PLXDC2: variants seen among roughly 807,000 people sequenced by gnomAD.
PLXDC2 encodes plexin domain-containing protein 2.
A neutral mutation model predicts 68.9 loss-of-function variants in PLXDC2; 40 were observed. That is an observed-to-expected ratio of 0.58 (90% CI 0.45 to 0.76). PLXDC2 has a LOEUF of 0.76. Among genes scored for constraint, PLXDC2 ranks in the 30% least tolerant of loss-of-function variants. PLXDC2 has a pLI of 0.00. For synonymous variants in PLXDC2, 243 were observed against 234.2 expected (o/e 1.04, Z -0.34); for missense variants, 644 against 661.9 (o/e 0.97, Z 0.30).
At chr10:20,021,293 C>T (rs1382013403) in intron 2 of PLXDC2, among the ~76,000 whole-genome samples, 2 of 151,866 alleles carry the variant, frequency 1.3e-5, no homozygotes, top group African/African-American at 2.4e-5. Context: ...TTATGGGATA[C>T]ATGCGCAGAA....
intron 1 of PLXDC2, among the ~76,000 whole-genome samples, chr10:19,905,235 A>G (rs1442854560): frequency 2.6e-5 from 4 of 152,170 alleles, no homozygotes; most frequent in African/African-American, 9.7e-5. Context: ...TTCTTGGATG[A>G]TTTTGGCATA....
Position 20,001,961 on chromosome 10 carries a change from G to A in PLXDC2, c.299G>A (p.Gly100Glu). The A allele has an allele frequency of 6.2e-7, 1 of 1,612,544 alleles. No individual in the cohort carries two copies. Among genetic ancestry groups the A allele is most frequent in the Non-Finnish European group, 8.5e-7 (1 of 1,179,896 alleles). ...RSFTDLLLDDGQDNNTQIEED... is the reference protein window; with the variant it reads ...RSFTDLLLDDEQDNNTQIEED... ...TTCACAGACCTGCTGCTGGATGATG[G>A]GCAGGACAATAACACTCAGATCGAG... is the stretch of plus-strand genomic sequence containing the variant. Residue 100 changes from glycine (G) to glutamate (E), a missense_variant, in exon 2 of 14, where the codon GGG (glycine) becomes GAG (glutamate). Gly to Glu is a moderately conservative substitution (Grantham distance 98, BLOSUM62 -2). Around this residue, in one of 3 missense-constraint regions of PLXDC2, gnomAD observed 201 missense variants for 166.9 expected, o/e 1.20. Transcript: ENST00000377252.
chr10:20,108,503 G>A (rs1246307776), intron 4 of PLXDC2, among the ~76,000 whole-genome samples: 1 of 152,156 alleles, frequency 6.6e-6, no homozygotes, highest in Non-Finnish European at 1.5e-5. Flanking sequence ...ACAGTAGACA[G>A]TGGATACGTA....
At chr10:20,211,828 T>G in intron 10 of PLXDC2, 99 bp downstream of exon 10, 1 of 1,108,672 alleles carries the variant, frequency 9.0e-7, no homozygotes, top group Non-Finnish European at 1.3e-6. Context: ...GCCCTAAAAC[T>G]TAATGAAAGG....
At chr10:20,121,012 G>T (rs1833690120) in intron 4 of PLXDC2, among the ~76,000 whole-genome samples, 1 of 152,172 alleles carries the variant, frequency 6.6e-6, no homozygotes, top group Non-Finnish European at 1.5e-5. Flanking sequence ...ACAGTCATGG[G>T]TGTCAGTTGT....
chr10:19,925,733 G>T (rs1044885380), intron 1 of PLXDC2, among the ~76,000 whole-genome samples: 4 of 152,196 alleles, frequency 2.6e-5, no homozygotes, highest in African/African-American at 9.6e-5. Flanking sequence ...ACAGAGTGAT[G>T]AGTTGACTTT....
chr10:19,975,166 A>C (rs1033057155), intron 1 of PLXDC2, among the ~76,000 whole-genome samples: 11 of 152,298 alleles, frequency 7.2e-5, no homozygotes, highest in Admixed American at 1.3e-4. Context: ...CTTAAAACAC[A>C]GCAGAAGGCC....
chr10:19,985,619 A>G (rs1834623310), intron 1 of PLXDC2, among the ~76,000 whole-genome samples: 1 of 152,228 alleles, frequency 6.6e-6, no homozygotes, highest in Admixed American at 6.5e-5. Context: ...TTATGCTAAC[A>G]AGTAACTCAT....
At chr10:19,957,795 A>G (rs1002886693) in intron 1 of PLXDC2, among the ~76,000 whole-genome samples, 2 of 152,182 alleles carry the variant, frequency 1.3e-5, no homozygotes, top group Admixed American at 1.3e-4. Flanking sequence ...CTGTCTTCAA[A>G]GAAGTTGTAC....
At chr10:19,978,558 T>C (rs1834496990) in intron 1 of PLXDC2, among the ~76,000 whole-genome samples, 1 of 152,206 alleles carries the variant, frequency 6.6e-6, no homozygotes, top group Non-Finnish European at 1.5e-5. Flanking sequence ...AGATTTAATT[T>C]CACCCCAGTT....
At chr10:19,890,009 C>T (rs764336003) in intron 1 of PLXDC2, among the ~76,000 whole-genome samples, 6 of 152,134 alleles carry the variant, frequency 3.9e-5, no homozygotes, top group African/African-American at 9.7e-5. Context: ...GAGGCAGTCT[C>T]GCGTTTCAGG....
At chr10:20,102,674 A>G (rs1833438746) in intron 4 of PLXDC2, among the ~76,000 whole-genome samples, 1 of 152,230 alleles carries the variant, frequency 6.6e-6, no homozygotes, top group African/African-American at 2.4e-5. Context: ...GTGGTACAGA[A>G]CACTGCAGAA....
intron 1 of PLXDC2, among the ~76,000 whole-genome samples, chr10:19,894,266 C>T (rs1838016959): frequency 6.6e-6 from 1 of 151,550 alleles, no homozygotes; most frequent in African/African-American, 2.4e-5. Context: ...AAACAAAAAA[C>T]TGATGTTTTC....
intron 4 of PLXDC2, among the ~76,000 whole-genome samples, chr10:20,135,815 A>G (rs1039573172): frequency 2.6e-5 from 4 of 152,190 alleles, no homozygotes; most frequent in Non-Finnish European, 4.4e-5. Context: ...TAAGAAGTCT[A>G]TGACATGTGA....
intron 2 of PLXDC2, among the ~76,000 whole-genome samples, chr10:20,031,333 G>T (rs542995207): frequency 3.3e-5 from 5 of 151,976 alleles, no homozygotes; most frequent in South Asian, 4.2e-4. Flanking sequence ...TTGTGCCACT[G>T]CTCTCCAGCC....
intron 13 of PLXDC2, among the ~76,000 whole-genome samples, chr10:20,263,238 A>T (rs1369044789): frequency 1.3e-5 from 2 of 152,184 alleles, no homozygotes; most frequent in African/African-American, 2.4e-5. Context: ...GACAAAGCTG[A>T]TAAAAATAAA....
intron 1 of PLXDC2, among the ~76,000 whole-genome samples, chr10:19,840,084 C>G (rs1444934372): frequency 2.0e-5 from 3 of 152,164 alleles, no homozygotes; most frequent in Non-Finnish European, 4.4e-5. Context: ...TTTTCTGATG[C>G]ACTGATGTCC....
intron 6 of PLXDC2, among the ~76,000 whole-genome samples, chr10:20,160,071 C>T (rs777312817): frequency 1.7e-4 from 26 of 152,234 alleles, no homozygotes; most frequent in Middle Eastern, 3.4e-3. Flanking sequence ...CTTTGTTTTC[C>T]TATCTGCTGT....
At chr10:19,903,505 G>A (rs761560943) in intron 1 of PLXDC2, among the ~76,000 whole-genome samples, 2 of 151,824 alleles carry the variant, frequency 1.3e-5, no homozygotes, top group Non-Finnish European at 2.9e-5. Flanking sequence ...TTGTATTTCT[G>A]TGGTATCAGT....
Sources: gnomAD v4.1 joint callset for allele counts (sites outside exome capture counted in the v4.1 genomes callset) on GRCh38, gnomAD v4.1.1 for gene constraint, gnomAD v4.1.1 regional missense constraint, MANE v1.5 for transcripts, NCBI Gene and HGNC (gene_info 2026-07-23, HGNC 2026-07-21) for gene names.